The following DUSP16 variants were observed in gnomAD, a reference collection of about 807,000 sequenced individuals.
DUSP16 encodes dual specificity phosphatase 16.
DUSP16 carries 21 observed loss-of-function variants against 58.3 expected under a neutral mutation model. That is an observed-to-expected ratio of 0.36 (90% CI 0.26 to 0.52). DUSP16 has a LOEUF of 0.52. Ranked by LOEUF, DUSP16 falls within the 20% of genes least tolerant of loss-of-function variation. The pLI, the probability that DUSP16 is intolerant of heterozygous loss-of-function variation, is 0.94. For missense variants in DUSP16, 726 were observed against 819.0 expected, an observed-to-expected ratio of 0.89 and a Z score of 1.39; for synonymous variants, 320 against 323.8, an observed-to-expected ratio of 0.99 and a Z score of 0.12.
intron 5 of DUSP16, among the ~76,000 whole-genome samples, chr12:12,483,465 CCTT>C (rs1943615860): frequency 1.3e-5 from 2 of 151,452 alleles, no homozygotes; most frequent in Admixed American, 1.3e-4. Context: ...AGGTATATTA[CCTT>C]CAGTTTCCAG....
chr12:12,484,173 T>C (rs562568137), intron 5 of DUSP16, among the ~76,000 whole-genome samples: 3 of 152,026 alleles, frequency 2.0e-5, no homozygotes, highest in East Asian at 3.9e-4. Context: ...TTAGCAATTG[T>C]AGTGAATATG....
intron 1 of DUSP16, among the ~76,000 whole-genome samples, chr12:12,547,348 G>C (rs1308929431): frequency 6.6e-6 from 1 of 151,270 alleles, no homozygotes; most frequent in African/African-American, 2.4e-5. Flanking sequence ...AGAATCGCTT[G>C]AACCCGGGTG....
chr12:12,532,268 C>T (rs923101292), intron 1 of DUSP16, among the ~76,000 whole-genome samples: 1 of 152,118 alleles, frequency 6.6e-6, no homozygotes, highest in Non-Finnish European at 1.5e-5. Context: ...AAGAAAGGGA[C>T]AGACTGGCTT....
chr12:12,489,420 A>G (rs968350210), intron 4 of DUSP16, among the ~76,000 whole-genome samples: 1 of 152,232 alleles, frequency 6.6e-6, no homozygotes, highest in South Asian at 2.1e-4. Context: ...CTGATTCAGG[A>G]TCACTCATGT....
At chr12:12,543,665 T>C (rs1418920852) in intron 1 of DUSP16, among the ~76,000 whole-genome samples, 1 of 152,272 alleles carries the variant, frequency 6.6e-6, no homozygotes, top group East Asian at 1.9e-4. Flanking sequence ...GTATACCATA[T>C]GGACATGTAA....
At chr12:12,499,152 G>C (rs1481160048) in intron 4 of DUSP16, among the ~76,000 whole-genome samples, 1 of 152,208 alleles carries the variant, frequency 6.6e-6, no homozygotes, top group Non-Finnish European at 1.5e-5. Context: ...GGAATGACCT[G>C]CTGATGGCTG....
rs1020661013 is a variant in DUSP16 at position 12,475,038 on chromosome 12, A to C, written c.*1795T>G. The C allele has an allele frequency of 6.6e-6, 1 of 152,202 alleles. No homozygotes were observed. Among genetic ancestry groups the C allele is most frequent in the African/African-American group, 2.4e-5 (1 of 41,438 alleles). The allele number at this position is 152,202 out of a possible 1,614,324, so 9.4% of individuals were successfully genotyped here. On this transcript the variant is annotated 3_prime_UTR_variant, in exon 7 of 7. Transcript: ENST00000298573. The stretch of plus-strand genomic sequence containing the variant: ...ACTAGTGAGGTCTGTGCGGCTCATC[A>C]TCCCCATAACCAAGTCGGTCTGTGT...
chr12:12,554,088 T>C (rs1424308481), intron 1 of DUSP16, among the ~76,000 whole-genome samples: 1 of 150,268 alleles, frequency 6.7e-6, no homozygotes, highest in South Asian at 2.1e-4. Context: ...TCCCAGCTAC[T>C]TGGGAGGCTG....
At chr12:12,551,637 A>C (rs1944729092) in intron 1 of DUSP16, among the ~76,000 whole-genome samples, 1 of 151,854 alleles carries the variant, frequency 6.6e-6, no homozygotes, top group Non-Finnish European at 1.5e-5. Flanking sequence ...GATTTGCTTA[A>C]TATTGTATAA....
At chr12:12,482,199 A>G (rs1006505648) in intron 5 of DUSP16, among the ~76,000 whole-genome samples, 3 of 152,258 alleles carry the variant, frequency 2.0e-5, no homozygotes, top group East Asian at 1.9e-4. Flanking sequence ...GCTTCTAACA[A>G]TCCCCCAAAA....
chr12:12,555,211 T>C (rs1303680319), intron 1 of DUSP16, among the ~76,000 whole-genome samples: 2 of 152,108 alleles, frequency 1.3e-5, no homozygotes, highest in Non-Finnish European at 2.9e-5. Flanking sequence ...AAAGAAGAAG[T>C]CAGGTCAGCC....
At chr12:12,527,234 A>C (rs1360210556) in intron 1 of DUSP16, among the ~76,000 whole-genome samples, 1 of 152,208 alleles carries the variant, frequency 6.6e-6, no homozygotes, top group Non-Finnish European at 1.5e-5. Flanking sequence ...GATATACCGA[A>C]ATGCCTTTCA....
chr12:12,487,461 A>G (rs1042313833), intron 4 of DUSP16, among the ~76,000 whole-genome samples: 1 of 152,224 alleles, frequency 6.6e-6, no homozygotes, highest in African/African-American at 2.4e-5. Flanking sequence ...TCATTACTAG[A>G]GAGAGAAGTG....
chr12:12,484,589 G>A (rs1357917912), intron 5 of DUSP16, among the ~76,000 whole-genome samples: 2 of 152,070 alleles, frequency 1.3e-5, no homozygotes, highest in Non-Finnish European at 2.9e-5. Flanking sequence ...TGGAAGTGAC[G>A]TGCAATGGGA....
At chr12:12,555,606 C>T (rs947335429) in intron 1 of DUSP16, among the ~76,000 whole-genome samples, 4 of 152,036 alleles carry the variant, frequency 2.6e-5, no homozygotes, top group African/African-American at 9.7e-5. Context: ...TTTCTATAAA[C>T]GCAATTTGCC....
chr12:12,492,006 C>T (rs1943767111), intron 4 of DUSP16, among the ~76,000 whole-genome samples: 4 of 152,182 alleles, frequency 2.6e-5, no homozygotes, highest in Admixed American at 2.6e-4. Flanking sequence ...TCACTCCTTT[C>T]CTTTTACCCC....
intron 5 of DUSP16, among the ~76,000 whole-genome samples, chr12:12,480,965 C>T (rs1943553257): frequency 6.6e-6 from 1 of 152,116 alleles, no homozygotes; most frequent in South Asian, 2.1e-4. Flanking sequence ...GTGATCCGTC[C>T]ACCTCAGCCT....
intron 1 of DUSP16, among the ~76,000 whole-genome samples, chr12:12,528,356 T>A (rs886808580): frequency 1.1e-4 from 16 of 152,070 alleles, no homozygotes; most frequent in Non-Finnish European, 1.3e-4. Context: ...AGGGTAGAAA[T>A]GGAAGGATCC....
chr12:12,484,613 T>C (rs1403724028), intron 5 of DUSP16, among the ~76,000 whole-genome samples: 4 of 152,054 alleles, frequency 2.6e-5, no homozygotes, highest in African/African-American at 9.7e-5. Context: ...TTAACCGTAA[T>C]TTATTTTTTT....
Sources: gnomAD v4.1 joint callset for allele counts (sites outside exome capture counted in the v4.1 genomes callset) on GRCh38, gnomAD v4.1.1 for gene constraint, MANE v1.5 for transcripts, NCBI Gene and HGNC (gene_info 2026-07-23, HGNC 2026-07-21) for gene names.